The following MICU2 variants were observed in gnomAD, a reference collection of about 807,000 sequenced individuals.
The protein encoded by MICU2 is calcium uptake protein 2, mitochondrial.
Under a neutral mutation model 60.4 loss-of-function variants are expected in MICU2, and 64 were observed. The ratio of observed to expected loss-of-function variants is 1.06; its 90% CI spans 0.87 to 1.31. The LOEUF (loss-of-function observed/expected upper bound fraction) is 1.31, where lower values mean the gene tolerates loss of function less well. Ranked by LOEUF, MICU2 falls within the 50% of genes most tolerant of loss-of-function variation. The pLI is 0.00. For missense variants in MICU2, 569 were observed against 531.0 expected, an observed-to-expected ratio of 1.07 and a Z score of -0.70; for synonymous variants, 201 against 175.0, an observed-to-expected ratio of 1.15 and a Z score of -1.17.
chr13:21,567,483 AG>A (rs1477759394), intron 1 of MICU2, among the ~76,000 whole-genome samples: 3 of 152,228 alleles, frequency 2.0e-5, no homozygotes, highest in African/African-American at 7.2e-5. Flanking sequence ...GAGAGTCAGG[AG>A]GGCAACAGAA....
chr13:21,494,626 G>A (rs993027953), intron 11 of MICU2, among the ~76,000 whole-genome samples: 1 of 152,188 alleles, frequency 6.6e-6, no homozygotes, highest in African/African-American at 2.4e-5. Context: ...TTAATAAACA[G>A]TAGAGGTGGG....
chr13:21,529,633 T>C (rs114115799), intron 4 of MICU2, among the ~76,000 whole-genome samples: 14 of 152,332 alleles, frequency 9.2e-5, no homozygotes, highest in African/African-American at 3.4e-4. Flanking sequence ...AGAGGACTTG[T>C]GACACAAACA....
rs1885907811 is a variant in MICU2, at chr13:21,493,321, CCAG to C, written c.1230_1232del (p.Tyr410_Trp411delinsTer). 1 of 1,610,204 alleles carries C rather than the reference CCAG, an allele frequency of 6.2e-7. No individual in the cohort carries two copies. Among genetic ancestry groups the C allele is most frequent in the Non-Finnish European group, 8.5e-7 (1 of 1,178,578 alleles). ...TAATGCTTTCTTTCTTCACACACTT[CCAG>C]TATTCTTGTATACTCTGATGTTGTG... is the stretch of plus-strand genomic sequence containing the variant. On this transcript the variant is annotated stop_gained and inframe_deletion, in exon 12 of 12. Coordinates refer to ENST00000382374, the MANE Select transcript of MICU2 (RefSeq NM_152726.3). LOFTEE classifies it high-confidence loss of function.
intron 1 of MICU2, among the ~76,000 whole-genome samples, chr13:21,603,227 C>T (rs527810492): frequency 6.6e-6 from 1 of 152,330 alleles, no homozygotes; most frequent in Admixed American, 6.5e-5. Context: ...CCGCCTCGGC[C>T]TCCCAAAGCC....
intron 2 of MICU2, among the ~76,000 whole-genome samples, chr13:21,554,674 A>G (rs953425889): frequency 6.6e-6 from 1 of 152,210 alleles, no homozygotes; most frequent in African/African-American, 2.4e-5. Context: ...GCAAGAGATC[A>G]GAGCAGAACT....
intron 1 of MICU2, among the ~76,000 whole-genome samples, chr13:21,570,477 T>C (rs1888082807): frequency 6.6e-6 from 1 of 152,248 alleles, no homozygotes; most frequent in Non-Finnish European, 1.5e-5. Flanking sequence ...AATCCCAGAC[T>C]TGATAGATTT....
intron 5 of MICU2, among the ~76,000 whole-genome samples, chr13:21,521,896 C>T (rs1273613797): frequency 1.3e-5 from 2 of 152,188 alleles, no homozygotes; most frequent in South Asian, 2.1e-4. Flanking sequence ...CCTACCTCAG[C>T]CTCGACAAGT....
At chr13:21,504,052 C>T (rs1300507354) in intron 8 of MICU2, among the ~76,000 whole-genome samples, 1 of 152,126 alleles carries the variant, frequency 6.6e-6, no homozygotes, top group Non-Finnish European at 1.5e-5. Flanking sequence ...CTTCTGTCTA[C>T]ATGGTAGGCA....
At chr13:21,496,436 A>G in intron 9 of MICU2, 1 of 362,998 alleles carries the variant, frequency 2.8e-6, no homozygotes, top group South Asian at 3.7e-5. Flanking sequence ...CAGAACTGTG[A>G]GAAATAAATT....
chr13:21,495,440 C>A, intron 10 of MICU2, 122 bp from the exon 11 acceptor site: 2 of 981,236 alleles, frequency 2.0e-6, no homozygotes, highest in Non-Finnish European at 2.8e-6. Context: ...GGAAGTAAAA[C>A]AAAAACAAAA....
intron 2 of MICU2, among the ~76,000 whole-genome samples, chr13:21,546,474 A>C (rs1887422167): frequency 6.6e-6 from 1 of 152,204 alleles, no homozygotes; most frequent in African/African-American, 2.4e-5. Flanking sequence ...GCTTAAGCTA[A>C]GATCTTAAGT....
At chr13:21,569,999 A>C (rs919305101) in intron 1 of MICU2, among the ~76,000 whole-genome samples, 1 of 152,114 alleles carries the variant, frequency 6.6e-6, no homozygotes, top group African/African-American at 2.4e-5. Context: ...GGTAGTTGGG[A>C]AAGTTTTTAT....
At chr13:21,493,445 A>C (rs1480415159) in intron 11 of MICU2, 92 bp from the exon 12 acceptor site, 3 of 814,810 alleles carry the variant, frequency 3.7e-6, no homozygotes, top group Non-Finnish European at 5.7e-6. Context: ...TTTCCTTCCC[A>C]CACTCCTCCA....
chr13:21,525,279 G>A (rs1355187875), intron 4 of MICU2, among the ~76,000 whole-genome samples: 4 of 129,736 alleles, frequency 3.1e-5, no homozygotes, highest in Admixed American at 2.9e-4. Flanking sequence ...TGCAAGCTCC[G>A]CCTCCCAGGT....
chr13:21,588,517 T>C (rs9552455), intron 1 of MICU2, among the ~76,000 whole-genome samples: 30,529 of 152,182 alleles, frequency 0.2, 4,102 homozygotes, highest in East Asian at 0.66. Context: ...CAACACTAAG[T>C]TCACTTCGTG....
chr13:21,493,658 T>G (rs1483141769), intron 11 of MICU2, among the ~76,000 whole-genome samples: 1 of 152,168 alleles, frequency 6.6e-6, no homozygotes, highest in Non-Finnish European at 1.5e-5. Flanking sequence ...CTTTAAAATT[T>G]AATTACTTTA....
intron 8 of MICU2, 113 bp from the exon 9 acceptor site, chr13:21,503,210 T>C: frequency 1.4e-6 from 1 of 717,426 alleles, no homozygotes; most frequent in South Asian, 1.9e-5. Context: ...TGCCTCCTGA[T>C]GGTAAGCAGG....
At chr13:21,511,881 A>G (rs1886437050) in intron 7 of MICU2, among the ~76,000 whole-genome samples, 1 of 151,696 alleles carries the variant, frequency 6.6e-6, no homozygotes, top group Non-Finnish European at 1.5e-5. Flanking sequence ...TGCCATATCA[A>G]TTGTGTTTCT....
intron 4 of MICU2, among the ~76,000 whole-genome samples, chr13:21,533,952 T>A (rs905449350): frequency 1.3e-5 from 2 of 152,042 alleles, no homozygotes; most frequent in Admixed American, 1.3e-4. Context: ...GAGGATAATT[T>A]CATGTTTTTA....
Sources: allele counts gnomAD v4.1 joint callset (sites outside exome capture counted in the v4.1 genomes callset), GRCh38; gene constraint gnomAD v4.1.1; transcripts MANE v1.5; gene names NCBI Gene and HGNC (gene_info 2026-07-23, HGNC 2026-07-21).